TCF20: variants seen among roughly 807,000 people sequenced by gnomAD.
The protein encoded by TCF20 is transcription factor 20, also known as SPRE-binding protein.
A neutral mutation model predicts 148.6 loss-of-function variants in TCF20; 3 were observed. That is an observed-to-expected ratio of 0.02 (90% CI 0.01 to 0.05). The LOEUF (loss-of-function observed/expected upper bound fraction) is 0.05. Among genes scored for constraint, TCF20 ranks in the 10% least tolerant of loss-of-function variants. The pLI is 1.00. For synonymous variants in TCF20, 1,049 were observed against 909.5 expected (o/e 1.15, Z -2.76); for missense variants, 2,350 against 2,429.3 (o/e 0.97, Z 0.69).
intron 5 of TCF20, among the ~76,000 whole-genome samples, chr22:42,162,558 A>G (rs1005886126): frequency 2.0e-5 from 3 of 152,208 alleles, no homozygotes; most frequent in Non-Finnish European, 4.4e-5. Flanking sequence ...TCTCAAAGAC[A>G]AACAGCAGTT....
At chr22:42,286,506 A>G (rs1446293397), upstream of TCF20, among the ~76,000 whole-genome samples, 1 of 152,236 alleles carries the variant, frequency 6.6e-6, no homozygotes, top group East Asian at 1.9e-4. Context: ...TAAGGTTGCT[A>G]TAAGATTACA....
At position 42,279,670 on chromosome 22, in the gene TCF20, C is replaced by T. The variant is rs987474186; in HGVS notation, c.-37+4157G>A. Among the ~76,000 whole-genome samples the T allele has an allele frequency of 2.0e-5, 3 of 152,278 alleles. No homozygotes were observed. Among genetic ancestry groups the T allele is most frequent in the South Asian group, 2.1e-4 (1 of 4,828 alleles). ...GCCATCATTCCAGCCTCAGGTGCTC[C>T]GTGAGGTGGGACGATTCACCCCATG... On this transcript the variant is annotated intron_variant, in intron 1 of 5. Transcript: ENST00000359486. The surrounding 1 kb of genome is among the most constrained non-coding windows in gnomAD (Gnocchi z 4.3).
At chr22:42,336,702 G>A (rs1928073740) in intron 1 of TCF20, among the ~76,000 whole-genome samples, 2 of 152,070 alleles carry the variant, frequency 1.3e-5, no homozygotes, top group Admixed American at 6.6e-5. Flanking sequence ...CAGCCACAAT[G>A]GCCTCCTTTC....
At chr22:42,197,816 C>T (rs555021535) in intron 2 of TCF20, among the ~76,000 whole-genome samples, 1 of 152,110 alleles carries the variant, frequency 6.6e-6, no homozygotes, top group Non-Finnish European at 1.5e-5. Flanking sequence ...CAGGGAACAA[C>T]ATTAATATCA....
intron 1 of TCF20, among the ~76,000 whole-genome samples, chr22:42,318,654 G>A (rs767715632): frequency 1.2e-4 from 19 of 152,124 alleles, no homozygotes; most frequent in Non-Finnish European, 2.4e-4. Flanking sequence ...GGGACCACGA[G>A]TGAGGGATGA....
At chr22:42,233,554 T>A (rs1321454457) in intron 1 of TCF20, among the ~76,000 whole-genome samples, 2 of 152,200 alleles carry the variant, frequency 1.3e-5, no homozygotes, top group Non-Finnish European at 2.9e-5. Context: ...CCTTAACACC[T>A]TCCTAGAACA....
chr22:42,242,161 C>T (rs1924462851), intron 1 of TCF20, among the ~76,000 whole-genome samples: 1 of 140,930 alleles, frequency 7.1e-6, no homozygotes, highest in Non-Finnish European at 1.5e-5. Context: ...CGAAATCGCA[C>T]CACCGCACTC....
rs1365642867 is a variant in TCF20 at position 42,338,428 on chromosome 22, G to A, written c.-37+5051C>T. Among the ~76,000 whole-genome samples, 5 of 166 alleles carry A rather than the reference G, an allele frequency of 0.03. No individual in the cohort carries two copies. Among genetic ancestry groups the A allele is most frequent in the Non-Finnish European group, 0.056 (4 of 72 alleles). 0.1% of individuals were successfully genotyped at this position (166 alleles called of 152,430 possible). On this transcript the variant is annotated intron_variant, in intron 1 of 1. Coordinates refer to the TCF20 transcript ENST00000515426. This position sits in a 1 kb window ranked among gnomAD's most constrained non-coding sequence, Gnocchi z 4.0. The stretch of plus-strand genomic sequence containing the variant: ...GGCAGCGCAGAGTCGGGAGGGGGGT[G>A]CCCAGGGGGCCTCAGCAGAGCCCCG...
rs547142081 is a variant in TCF20 at position 42,317,790 on chromosome 22, C to T, written c.-37+25689G>A. On this transcript the variant is annotated intron_variant, in intron 1 of 1. Coordinates refer to the TCF20 transcript ENST00000515426. The surrounding 1 kb of genome is among the most constrained non-coding windows in gnomAD (Gnocchi z 4.2). ...GGGCGATCCCTCCCTCACAACGCTA[C>T]AGAGAAAAATGGCAGGCAGCCAGCA... Among the ~76,000 whole-genome samples the T allele has an allele frequency of 2.0e-5, 3 of 152,288 alleles. No individual in the cohort carries two copies. The highest frequency in any genetic ancestry group is 4.1e-4 in the South Asian group (2 of 4,826).
chr22:42,221,825 G>A (rs549684566), intron 1 of TCF20, among the ~76,000 whole-genome samples: 16 of 135,168 alleles, frequency 1.2e-4, no homozygotes, highest in Non-Finnish European at 2.3e-4. Flanking sequence ...TGCAAGCTCC[G>A]CCTCCCGGGT....
At chr22:42,220,597 G>T (rs1374389709) in intron 1 of TCF20, among the ~76,000 whole-genome samples, 2 of 152,012 alleles carry the variant, frequency 1.3e-5, no homozygotes, top group Non-Finnish European at 2.9e-5. Context: ...CCTGTGTAAG[G>T]GATATTCCCT....
At chr22:42,336,139 G>T (rs1351796737) in intron 1 of TCF20, among the ~76,000 whole-genome samples, 1 of 152,228 alleles carries the variant, frequency 6.6e-6, no homozygotes, top group East Asian at 1.9e-4. Context: ...TGGCACGGCT[G>T]CAGGCAGCAG....
At chr22:42,288,656 C>G (rs142815750), upstream of TCF20, among the ~76,000 whole-genome samples, 1 of 142,652 alleles carries the variant, frequency 7.0e-6, no homozygotes, top group African/African-American at 2.6e-5. Context: ...TGCAGTGAGC[C>G]GAGATCATGC....
At chr22:42,186,407 T>TA (rs1333324849) in intron 2 of TCF20, among the ~76,000 whole-genome samples, 4 of 152,252 alleles carry the variant, frequency 2.6e-5, no homozygotes, top group Non-Finnish European at 5.9e-5. Flanking sequence ...ATGTAATTAT[T>TA]AGAACTTTTA....
At chr22:42,187,210 A>G (rs2086710434) in intron 2 of TCF20, among the ~76,000 whole-genome samples, 2 of 152,210 alleles carry the variant, frequency 1.3e-5, no homozygotes, top group African/African-American at 2.4e-5. Context: ...CTTAGGGCCC[A>G]ATAGTTCATC....
chr22:42,339,407 G>A (rs1601712259), intron 1 of TCF20, among the ~76,000 whole-genome samples: 1 of 152,214 alleles, frequency 6.6e-6, no homozygotes, highest in East Asian at 1.9e-4. Flanking sequence ...GCAGGGCACA[G>A]TGGGTACCTG....
intron 2 of TCF20, 94 bp from the exon 3 acceptor site, chr22:42,179,796 G>C: frequency 1.2e-6 from 1 of 812,866 alleles, no homozygotes. Flanking sequence ...ACCTCAGCAC[G>C]TGTCTCTGTG....
intron 1 of TCF20, among the ~76,000 whole-genome samples, chr22:42,238,335 G>A (rs1345971121): frequency 6.6e-6 from 1 of 152,216 alleles, no homozygotes; most frequent in Non-Finnish European, 1.5e-5. Context: ...TCTGGGATTA[G>A]GCTCTGGCTT....
intron 1 of TCF20, among the ~76,000 whole-genome samples, chr22:42,336,015 C>T (rs921148928): frequency 6.6e-6 from 1 of 152,242 alleles, no homozygotes; most frequent in African/African-American, 2.4e-5. Context: ...CAACCTGCCA[C>T]CATGCAGGCT....
Sources: gnomAD v4.1 joint callset for allele counts (sites outside exome capture counted in the v4.1 genomes callset) on GRCh38, gnomAD v4.1.1 for gene constraint, Gnocchi (gnomAD v3.1) non-coding constraint, MANE v1.5 for transcripts, NCBI Gene and HGNC (gene_info 2026-07-23, HGNC 2026-07-21) for gene names.